GRK4: variants seen among roughly 807,000 people sequenced by gnomAD.
GRK4 encodes G protein-coupled receptor kinase 4, also known as G protein-coupled receptor kinase 2-like.
In GRK4, 73 loss-of-function variants were observed where a neutral mutation model predicts 77.9. The ratio of observed to expected loss-of-function variants is 0.94; its 90% CI spans 0.78 to 1.14. The LOEUF (loss-of-function observed/expected upper bound fraction) is 1.14. Among genes scored for constraint, GRK4 ranks in the 50% most tolerant of loss-of-function variants. The pLI is 0.00. For synonymous variants in GRK4, 257 were observed against 254.4 expected (o/e 1.01, Z -0.10); for missense variants, 729 against 700.2 (o/e 1.04, Z -0.46).
intron 4 of GRK4, among the ~76,000 whole-genome samples, chr4:2,994,709 T>C (rs1029467882): frequency 6.6e-6 from 1 of 152,212 alleles, no homozygotes; most frequent in African/African-American, 2.4e-5. Flanking sequence ...TATACATGTG[T>C]GGCTTGGTGC....
In GRK4 at chr4:2,993,411, C is replaced by T. The variant is rs183754692; in HGVS notation, c.339+1119C>T. On this transcript the variant is annotated intron_variant, in intron 4 of 15. Coordinates refer to ENST00000398052, the MANE Select transcript of GRK4 (RefSeq NM_182982.3). ...GCTCTAGGCCAGGTGTGGTGGCTCA[C>T]GCCTGTAACCCCAGCACTTTGGGAG... Among the ~76,000 whole-genome samples, 78 of 152,206 alleles carry T rather than the reference C, an allele frequency of 5.1e-4. No individual in the cohort carries two copies. In the East Asian group the frequency reaches 5.2e-3, roughly 10 times the overall value.
At chr4:3,035,802 G>T (rs1740462776) in intron 13 of GRK4, among the ~76,000 whole-genome samples, 1 of 151,836 alleles carries the variant, frequency 6.6e-6, no homozygotes, top group Non-Finnish European at 1.5e-5. Flanking sequence ...TGTGGCTTTT[G>T]CTCATGGTGC....
intron 1 of GRK4, chr4:2,966,895 C>T (rs1717885682): frequency 1.3e-5 from 2 of 152,190 alleles, no homozygotes; most frequent in South Asian, 2.1e-4. Context: ...CTCAATCCCC[C>T]CTCCCTCTCT....
intron 4 of GRK4, among the ~76,000 whole-genome samples, chr4:2,995,575 G>T (rs1447965625): frequency 6.6e-6 from 1 of 151,894 alleles, no homozygotes; most frequent in African/African-American, 2.4e-5. Flanking sequence ...CAGCTCCTTG[G>T]GAGGCTGAGG....
rs1247761944 is a variant in GRK4 at position 2,963,946 on chromosome 4, G to A, written c.-125G>A. 1.1e-6 allele frequency: 1 copy of A among 885,878 alleles called. No individual in the cohort carries two copies. Among genetic ancestry groups the A allele is most frequent in the African/African-American group, 1.7e-5 (1 of 60,404 alleles). 54.9% of individuals were successfully genotyped at this position (885,878 alleles called of 1,614,324 possible). On this transcript the variant is annotated 5_prime_UTR_variant, in exon 1 of 16. Coordinates refer to ENST00000398052, the MANE Select transcript of GRK4 (RefSeq NM_182982.3). ...CGGCGGAGCAGCCTCCCGGGATCGT[G>A]TCCGGAGCTCGAGGAGAGGGTGGTG...
Position 3,009,726 on chromosome 4 carries a change from C to G in GRK4, c.600+15C>G. The G allele has an allele frequency of 6.2e-7, 1 of 1,605,494 alleles. No individual in the cohort carries two copies. Among genetic ancestry groups the G allele is most frequent in the Non-Finnish European group, 8.5e-7 (1 of 1,172,334 alleles). ...GATTTGGAGAGGTGAGTAACGGGAGCCAGTTCATAGCAGCGCTGCTAGCTG... is the reference window on the plus strand; with the variant it reads ...GATTTGGAGAGGTGAGTAACGGGAGGCAGTTCATAGCAGCGCTGCTAGCTG... On this transcript the variant is annotated intron_variant, in intron 7 of 15. Coordinates refer to ENST00000398052, the MANE Select transcript of GRK4 (RefSeq NM_182982.3).
At position 3,022,438 on chromosome 4, in the gene GRK4, C is replaced by T. The variant is rs749246896; in HGVS notation, c.957C>T (p.Leu319=). The change falls in exon 10 of 16, where the codon CTC becomes CTT. Residue 319 remains leucine (L), a synonymous_variant. Transcript: ENST00000398052. ...GAGACTTGAAGCCTGAGAATATTCT[C>T]CTTGATGATCGTGGTAAGTGGGCAA... is the stretch of plus-strand genomic sequence containing the variant. ...VYRDLKPENI[L]LDDRGHIRIS... 10 of 1,613,744 alleles carry T rather than the reference C, an allele frequency of 6.2e-6. No homozygotes were observed. The Admixed American group carries it at 1.0e-4, about 16-fold the overall frequency.
At chr4:3,002,731 C>T (rs147848786) in intron 4 of GRK4, among the ~76,000 whole-genome samples, 12 of 152,036 alleles carry the variant, frequency 7.9e-5, no homozygotes, top group Admixed American at 3.9e-4. Flanking sequence ...TGGTGGCATG[C>T]GCCCATAGTC....
intron 3 of GRK4, 92 bp downstream of exon 3, chr4:2,988,931 T>C: frequency 1.3e-6 from 1 of 781,246 alleles, no homozygotes; most frequent in South Asian, 1.4e-5. Flanking sequence ...CATGCTGTAA[T>C]CCCAGCATTT....
Position 2,975,674 on chromosome 4 carries a change from G to A in GRK4, c.53-8839G>A, listed in dbSNP as rs77891829. 1.8e-3 allele frequency among the ~76,000 whole-genome samples: 269 copies of A among 152,302 alleles called. 5 individuals carry two copies. In the East Asian group the frequency reaches 0.038, roughly 22 times the overall value. On this transcript the variant is annotated intron_variant, in intron 1 of 15. Transcript: ENST00000398052. ...CTCCACAGGTTTCTGGAGCAGTGCA[G>A]AGCTTTGCAGACCCACTTCTACGGA... is the stretch of plus-strand genomic sequence containing the variant.
intron 1 of GRK4, among the ~76,000 whole-genome samples, chr4:2,983,187 C>T (rs1384947941): frequency 6.6e-6 from 1 of 152,212 alleles, no homozygotes; most frequent in South Asian, 2.1e-4. Flanking sequence ...CTGAGCTCAT[C>T]CCAGTCTACC....
chr4:3,040,356 G>C (rs1163274091), intron 15 of GRK4, among the ~76,000 whole-genome samples: 1 of 152,148 alleles, frequency 6.6e-6, no homozygotes, highest in Non-Finnish European at 1.5e-5. Flanking sequence ...AAGGAGAATT[G>C]CTTGAACCTG....
intron 10 of GRK4, among the ~76,000 whole-genome samples, chr4:3,025,777 T>C (rs1737357555): frequency 6.6e-6 from 1 of 152,244 alleles, no homozygotes; most frequent in Non-Finnish European, 1.5e-5. Flanking sequence ...TATCGTAAGA[T>C]GTCTAGATTC....
At chr4:2,993,380 A>G (rs1269790936) in intron 4 of GRK4, among the ~76,000 whole-genome samples, 1 of 152,144 alleles carries the variant, frequency 6.6e-6, no homozygotes, top group South Asian at 2.1e-4. Flanking sequence ...ACATGTAATT[A>G]ACACTGCTCT....
chr4:2,981,992 C>T (rs926568573), intron 1 of GRK4, among the ~76,000 whole-genome samples: 1 of 152,280 alleles, frequency 6.6e-6, no homozygotes, highest in Non-Finnish European at 1.5e-5. Context: ...TGGGTTGTGA[C>T]AGTGCCTGGG....
chr4:3,021,377 A>G (rs1053005381), intron 9 of GRK4, among the ~76,000 whole-genome samples: 9 of 152,154 alleles, frequency 5.9e-5, no homozygotes, highest in East Asian at 1.9e-4. Flanking sequence ...ACATCCTCCA[A>G]CTGCTCCCCG....
intron 13 of GRK4, 82 bp from the exon 14 acceptor site, chr4:3,037,292 C>A: frequency 7.3e-7 from 1 of 1,368,598 alleles, no homozygotes; most frequent in Non-Finnish European, 1.0e-6. Context: ...CGTCAGTTTG[C>A]TGGGCGTTTC....
intron 4 of GRK4, 99 bp from the exon 5 acceptor site, chr4:3,004,132 C>T: frequency 1.1e-6 from 1 of 890,500 alleles, no homozygotes; most frequent in Non-Finnish European, 1.8e-6. Context: ...TCATTTTATA[C>T]ACTTTGTGTT....
chr4:3,035,659 A>G (rs1740417006), intron 13 of GRK4, 136 bp downstream of exon 13: 1 of 955,000 alleles, frequency 1.0e-6, no homozygotes, highest in Non-Finnish European at 1.5e-6. Flanking sequence ...CCTGGCCTCA[A>G]GTGGTCCTCC....
Sources: gnomAD v4.1 joint callset for allele counts (sites outside exome capture counted in the v4.1 genomes callset) on GRCh38, gnomAD v4.1.1 for gene constraint, MANE v1.5 for transcripts, NCBI Gene and HGNC (gene_info 2026-07-23, HGNC 2026-07-21) for gene names.